The following DRC2 variants were observed in gnomAD, a reference collection of about 807,000 sequenced individuals.
DRC2 encodes dynein regulatory complex subunit 2.
the DRC2 span, among the ~76,000 whole-genome samples, chr12:48,913,729 T>C: frequency 4.6e-5 from 7 of 152,078 alleles, no homozygotes; most frequent in East Asian, 9.7e-4. Context: ...ACTCCTGACC[T>C]CATGATCCAC....
the DRC2 span, among the ~76,000 whole-genome samples, chr12:48,906,359 A>G: frequency 4.7e-5 from 7 of 149,228 alleles, no homozygotes; most frequent in Non-Finnish European, 8.9e-5. Flanking sequence ...GCTGGAGTGC[A>G]ATGGCGCAGT....
chr12:48,918,561 C>G, the DRC2 span: 1 of 1,501,870 alleles, frequency 6.7e-7, no homozygotes, highest in Non-Finnish European at 9.1e-7. Flanking sequence ...GGCCTCATCA[C>G]TGATCATTGG....
chr12:48,904,165 A>G, the DRC2 span: 1 of 790,532 alleles, frequency 1.3e-6, no homozygotes, highest in Non-Finnish European at 2.0e-6. Context: ...GCTCAGCCTC[A>G]CTGATAGCCG....
chr12:48,914,972 C>T, the DRC2 span, among the ~76,000 whole-genome samples: 1 of 152,100 alleles, frequency 6.6e-6, no homozygotes, highest in South Asian at 2.1e-4. Flanking sequence ...AATTTTCCTG[C>T]CTCAGTGTCC....
chr12:48,904,145 C>A, the DRC2 span: 1 of 662,868 alleles, frequency 1.5e-6, no homozygotes, highest in Non-Finnish European at 2.5e-6. Flanking sequence ...ACGCGTCTTA[C>A]AGTGGGAGAG....
chr12:48,919,613 G>A, the DRC2 span, among the ~76,000 whole-genome samples: 8 of 151,904 alleles, frequency 5.3e-5, no homozygotes, highest in Non-Finnish European at 4.4e-5. Context: ...TACCTCCCCA[G>A]TTCAAGCAAT....
chr12:48,917,094 G>A, the DRC2 span: 1 of 1,614,038 alleles, frequency 6.2e-7, no homozygotes, highest in Non-Finnish European at 8.5e-7. Context: ...CATGTGGAAT[G>A]ATCTCAAAAA....
the DRC2 span, chr12:48,905,154 G>A: frequency 6.6e-7 from 1 of 1,526,328 alleles, no homozygotes; most frequent in African/African-American, 1.4e-5. Context: ...ATGGCTTCCT[G>A]ACCTCTTAAT....
the DRC2 span, among the ~76,000 whole-genome samples, chr12:48,913,129 G>A: frequency 2.7e-5 from 2 of 73,814 alleles, no homozygotes; most frequent in East Asian, 4.2e-4. Flanking sequence ...GCAAGACTCC[G>A]TCTCAAAAAA....
chr12:48,909,824 A>G, the DRC2 span, among the ~76,000 whole-genome samples: 2 of 145,348 alleles, frequency 1.4e-5, no homozygotes, highest in East Asian at 2.0e-4. Flanking sequence ...TCTGTTGCCC[A>G]GGGTGGAGTG....
chr12:48,916,938 T>C, the DRC2 span: 1 of 1,609,126 alleles, frequency 6.2e-7, no homozygotes. Context: ...CCTGTATCCC[T>C]CAGAGCAGGG....
chr12:48,919,599 C>G, the DRC2 span, among the ~76,000 whole-genome samples: 1 of 151,938 alleles, frequency 6.6e-6, no homozygotes, highest in Non-Finnish European at 1.5e-5. Context: ...CTCGCTGCAA[C>G]CTTTACCTCC....
chr12:48,904,223 C>T, the DRC2 span: 1 of 1,439,820 alleles, frequency 6.9e-7, no homozygotes, highest in Non-Finnish European at 9.3e-7. Context: ...CACAACCGCC[C>T]ACAACCAGGG....
At chr12:48,918,872 C>A in the DRC2 span, 1 of 1,613,838 alleles carries the variant, frequency 6.2e-7, no homozygotes. Flanking sequence ...AGTAATGCCA[C>A]CCTCAAGGCC....
chr12:48,914,888 T>A, the DRC2 span, among the ~76,000 whole-genome samples: 2 of 151,920 alleles, frequency 1.3e-5, no homozygotes, highest in African/African-American at 2.4e-5. Flanking sequence ...AGACGGAGTG[T>A]CGCTCTGTTG....
the DRC2 span, among the ~76,000 whole-genome samples, chr12:48,912,027 A>C: frequency 6.6e-6 from 1 of 152,048 alleles, no homozygotes; most frequent in African/African-American, 2.4e-5. Flanking sequence ...TAGGAGGCCG[A>C]GGATGGCGGA....
chr12:48,918,540 T>A, the DRC2 span: 1 of 1,542,994 alleles, frequency 6.5e-7, no homozygotes. Context: ...TGCTTCCCCT[T>A]GTTTCCCCTG....
chr12:48,909,037 CTTTTTTT>C, the DRC2 span, among the ~76,000 whole-genome samples: 59 of 82,392 alleles, frequency 7.2e-4, no homozygotes, highest in South Asian at 0.021. Context: ...TTTTCTTTCT[CTTTTTTT>C]TTTTTTTTTT....
the DRC2 span, among the ~76,000 whole-genome samples, chr12:48,913,698 T>A: frequency 6.6e-6 from 1 of 152,096 alleles, no homozygotes; most frequent in Admixed American, 6.6e-5. Flanking sequence ...GGTTTCACTA[T>A]GTTGGCCAGG....
Sources: allele counts gnomAD v4.1 joint callset (sites outside exome capture counted in the v4.1 genomes callset), GRCh38; gene constraint gnomAD v4.1.1; transcripts MANE v1.5; gene names NCBI Gene and HGNC (gene_info 2026-07-23, HGNC 2026-07-21).